The following SLC12A7 variants were observed in gnomAD, a reference collection of about 807,000 sequenced individuals.
SLC12A7 encodes the protein K-Cl cotransporter 4.
A neutral mutation model predicts 120.6 loss-of-function variants in SLC12A7; 100 were observed. The observed-to-expected ratio is 0.83, with a 90% confidence interval of 0.71 to 0.98. The LOEUF is 0.98. SLC12A7 is among the 50% of genes least tolerant of loss of function. The pLI is 0.00. For missense variants in SLC12A7, 1,373 were observed against 1,548.1 expected, an observed-to-expected ratio of 0.89 and a Z score of 1.90; for synonymous variants, 760 against 678.0, an observed-to-expected ratio of 1.12 and a Z score of -1.88.
rs1284315018 is a variant in SLC12A7, at chr5:1,112,058, G to C, written c.-67C>G. The C allele has an allele frequency of 1.8e-5, 22 of 1,202,988 alleles. No individual in the cohort carries two copies. Among genetic ancestry groups the C allele is most frequent in the South Asian group, 4.1e-5 (1 of 24,514 alleles). The allele number at this position is 1,202,988 out of a possible 1,614,324, so 74.5% of individuals were successfully genotyped here. A position where few individuals can be genotyped will look rare whatever the true frequency, so the allele number is the denominator to read the frequency against. On this transcript the variant is annotated 5_prime_UTR_variant, in exon 1 of 24. Transcript: ENST00000264930. ...GCTGCGCCGCTCCCGCCGACGCCAC[G>C]GGACTTGGAGGCAGGGGCGGGGTCC...
intron 17 of SLC12A7, among the ~76,000 whole-genome samples, chr5:1,069,173 GA>G (rs1233511727): frequency 3.3e-5 from 5 of 152,256 alleles, no homozygotes; most frequent in African/African-American, 1.2e-4. Flanking sequence ...CTGGGAAGGC[GA>G]ACCTGTGCAA....
At position 1,062,180 on chromosome 5, in the gene SLC12A7, C is replaced by T. The variant is rs115894182; in HGVS notation, c.2739+1664G>A. Among the ~76,000 whole-genome samples the T allele has an allele frequency of 3.6e-3, 550 of 152,224 alleles. 3 individuals carry two copies. The highest frequency in any genetic ancestry group is 0.013 in the African/African-American group (525 of 41,548). ...TGGCACCACGGAGGGGCTGGGGGTG[C>T]GGCTGGGGCCATGGGCTCACTTTGC... On this transcript the variant is annotated intron_variant, in intron 20 of 23. Coordinates refer to ENST00000264930, the MANE Select transcript of SLC12A7 (RefSeq NM_006598.3).
intron 5 of SLC12A7, among the ~76,000 whole-genome samples, chr5:1,087,259 A>G (rs920565575): frequency 2.0e-5 from 3 of 152,120 alleles, no homozygotes; most frequent in Admixed American, 1.3e-4. Context: ...TCTCATGGAC[A>G]TGAGGACCAG....
At chr5:1,056,239 G>A (rs531083140) in intron 22 of SLC12A7, among the ~76,000 whole-genome samples, 2 of 152,332 alleles carry the variant, frequency 1.3e-5, no homozygotes, top group East Asian at 3.9e-4. Flanking sequence ...CCAGAAGGAC[G>A]TGGATGGACT....
intron 18 of SLC12A7, among the ~76,000 whole-genome samples, chr5:1,064,549 A>G (rs975849919): frequency 1.3e-5 from 2 of 152,248 alleles, no homozygotes; most frequent in African/African-American, 4.8e-5. Context: ...CGACAGCCTC[A>G]GAGCACACAC....
At chr5:1,065,534 G>T in intron 17 of SLC12A7, 56 bp from the exon 18 acceptor site, 1 of 1,441,778 alleles carries the variant, frequency 6.9e-7, no homozygotes, top group South Asian at 1.4e-5. Flanking sequence ...ACAGACCCAC[G>T]CCCACCACCC....
chr5:1,094,300 C>T (rs1025434430), intron 1 of SLC12A7, 52 bp from the exon 2 acceptor site: 4 of 1,327,544 alleles, frequency 3.0e-6, no homozygotes, highest in Non-Finnish European at 4.3e-6. Context: ...TAAAAGCAAG[C>T]ACAGAAGGCC....
At chr5:1,083,369 G>A (rs1739431616) in intron 8 of SLC12A7, among the ~76,000 whole-genome samples, 1 of 152,182 alleles carries the variant, frequency 6.6e-6, no homozygotes, top group Non-Finnish European at 1.5e-5. Flanking sequence ...AACCCCCTGG[G>A]GCAGGTCCGA....
chr5:1,094,441 A>C (rs192633773), intron 1 of SLC12A7, among the ~76,000 whole-genome samples, 193 bp from the exon 2 acceptor site: 2 of 152,298 alleles, frequency 1.3e-5, no homozygotes, highest in East Asian at 3.9e-4. Context: ...GGCATTTCCC[A>C]GGGTGCACGC....
intron 10 of SLC12A7, 59 bp from the exon 11 acceptor site, chr5:1,078,817 G>T: frequency 3.3e-6 from 2 of 614,592 alleles, no homozygotes; most frequent in Non-Finnish European, 5.9e-6. Context: ...GGTACGGGGG[G>T]TGGGGTGGGG....
chr5:1,074,508 C>A (rs183720186), intron 16 of SLC12A7, 59 bp downstream of exon 16: 10 of 1,499,864 alleles, frequency 6.7e-6, no homozygotes, highest in Non-Finnish European at 7.3e-6. Flanking sequence ...ACTCAAAGGC[C>A]GACCTCAGAA....
At chr5:1,059,396 G>A (rs1232279366) in intron 21 of SLC12A7, among the ~76,000 whole-genome samples, 1 of 152,216 alleles carries the variant, frequency 6.6e-6, no homozygotes, top group Non-Finnish European at 1.5e-5. Context: ...CAAGGCCCCA[G>A]GGCAGGCAAA....
intron 8 of SLC12A7, among the ~76,000 whole-genome samples, chr5:1,083,310 C>T (rs891726984): frequency 3.9e-5 from 6 of 152,098 alleles, no homozygotes; most frequent in Non-Finnish European, 7.4e-5. Flanking sequence ...CTTCCCGTCT[C>T]GGGTTCTGGA....
chr5:1,138,442 T>C, the SLC12A7 span, among the ~76,000 whole-genome samples: 2 of 152,294 alleles, frequency 1.3e-5, no homozygotes, highest in Non-Finnish European at 2.9e-5. Context: ...CATTGGTGTG[T>C]TTACAATCCT....
Position 1,050,463 on chromosome 5 carries a change from A to G in SLC12A7, c.*1897T>C. ...CAAAAGGAAACGGAGTCAATTGTAA[A>G]TGGCTGTAGTTACTGGTTACACGGA... On this transcript the variant is annotated 3_prime_UTR_variant, in exon 24 of 24. Coordinates refer to ENST00000264930, the MANE Select transcript of SLC12A7 (RefSeq NM_006598.3). The G allele has an allele frequency of 5.6e-6, 1 of 179,686 alleles. No homozygotes were observed. The highest frequency in any genetic ancestry group is 1.4e-4 in the East Asian group (1 of 7,126). 11.1% of individuals were successfully genotyped at this position (179,686 alleles called of 1,614,324 possible).
At chr5:1,103,730 C>T (rs542396445) in intron 1 of SLC12A7, among the ~76,000 whole-genome samples, 1 of 152,260 alleles carries the variant, frequency 6.6e-6, no homozygotes, top group South Asian at 2.1e-4. Flanking sequence ...ACTGCACGAC[C>T]CACGGGGCGG....
At chr5:1,105,655 G>A (rs1252094765) in intron 1 of SLC12A7, among the ~76,000 whole-genome samples, 1 of 152,224 alleles carries the variant, frequency 6.6e-6, no homozygotes, top group Non-Finnish European at 1.5e-5. Context: ...GCCCCCAAAA[G>A]GGAGTTTCCC....
At chr5:1,115,867 G>GGTGGGAAGGGAGGA (rs1400513611), upstream of SLC12A7, among the ~76,000 whole-genome samples, 1 of 134,612 alleles carries the variant, frequency 7.4e-6, no homozygotes, top group Non-Finnish European at 1.5e-5. Flanking sequence ...AAAGGAAAGA[G>GGTGGGAAGGGAGGA]GTGGGAAGGG....
intron 17 of SLC12A7, among the ~76,000 whole-genome samples, chr5:1,069,121 G>A (rs879448688): frequency 1.3e-5 from 2 of 152,268 alleles, no homozygotes; most frequent in Non-Finnish European, 2.9e-5. Flanking sequence ...CCATGACGCC[G>A]CCGTCAGGGA....
Sources: gnomAD v4.1 joint callset for allele counts (sites outside exome capture counted in the v4.1 genomes callset) on GRCh38, gnomAD v4.1.1 for gene constraint, MANE v1.5 for transcripts, NCBI Gene and HGNC (gene_info 2026-07-23, HGNC 2026-07-21) for gene names.